Variants in KLHL29 observed in about 807,000 individuals in gnomAD.
The protein encoded by KLHL29 is kelch-like protein 29.
Under a neutral mutation model 80.4 loss-of-function variants are expected in KLHL29, and 21 were observed. That is an observed-to-expected ratio of 0.26 (90% CI 0.19 to 0.38). The LOEUF (loss-of-function observed/expected upper bound fraction) is 0.38. Ranked by LOEUF, KLHL29 falls within the 10% of genes least tolerant of loss-of-function variation. The probability of loss-of-function intolerance (pLI) is 1.00; values close to 1 mark genes in which losing one functional copy is unlikely to be tolerated. For missense variants in KLHL29, 867 were observed against 1,223.9 expected, an observed-to-expected ratio of 0.71 and a Z score of 4.35; for synonymous variants, 511 against 526.8, an observed-to-expected ratio of 0.97 and a Z score of 0.41.
Position 23,642,629 on chromosome 2 carries a change from G to A in KLHL29, c.719G>A (p.Gly240Asp). Reference protein sequence around the residue: ...PQPLAVSTLPGVGQVARPGPT... With the variant: ...PQPLAVSTLPDVGQVARPGPT... ...CCCCTGGCCGTGTCCACACTGCCCG[G>A]TGTGGGGCAGGTGGCCCGCCCAGGA... The change falls in exon 5 of 14, where the codon GGT becomes GAT. Residue 240 changes from glycine to aspartate, a missense_variant. Physicochemically the swap from Gly to Asp is moderately conservative, Grantham distance 94. Transcript: ENST00000486442. 6.5e-7 allele frequency: 1 copy of A among 1,549,646 alleles called. No individual in the cohort carries two copies.
At position 23,592,986 on chromosome 2, in the gene KLHL29, G is replaced by A. The variant is rs554871038; in HGVS notation, c.285+30505G>A. On this transcript the variant is annotated intron_variant, in intron 3 of 13. Transcript: ENST00000486442. ...CCACTGGTCTTCTCAGGGCTTCATT[G>A]TTCTCTGCTCGAGTGCTGTGGTTTG... Among the ~76,000 whole-genome samples, 5 of 152,268 alleles carry A rather than the reference G, an allele frequency of 3.3e-5. No individual in the cohort carries two copies. In the South Asian group the frequency reaches 1.0e-3, roughly 32 times the overall value.
At chr2:23,594,532 C>G (rs1188298336) in intron 3 of KLHL29, among the ~76,000 whole-genome samples, 1 of 152,224 alleles carries the variant, frequency 6.6e-6, no homozygotes, top group East Asian at 1.9e-4. Flanking sequence ...TCCTGCATTT[C>G]AATTCTCCAT....
chr2:23,612,467 G>A (rs1300130260), intron 3 of KLHL29, among the ~76,000 whole-genome samples: 1 of 152,212 alleles, frequency 6.6e-6, no homozygotes, highest in East Asian at 1.9e-4. Context: ...AAGCCTGGCT[G>A]GGTGTGGTGG....
chr2:23,484,151 G>A (rs958424014), intron 2 of KLHL29, among the ~76,000 whole-genome samples: 1 of 152,186 alleles, frequency 6.6e-6, no homozygotes, highest in Non-Finnish European at 1.5e-5. Flanking sequence ...ACAGGTCACA[G>A]AATGACCATC....
Position 23,703,298 on chromosome 2 carries a change from G to A in KLHL29, c.2218G>A (p.Glu740Lys). Residue 740 changes from glutamate to lysine, a missense_variant, in exon 12 of 14, where the codon GAG becomes AAG. Physicochemically the swap from Glu to Lys is moderately conservative, Grantham distance 56. This residue lies in a region of KLHL29 where 443 missense variants were observed against 767.0 expected (regional missense o/e 0.58). Coordinates refer to ENST00000486442, the MANE Select transcript of KLHL29 (RefSeq NM_052920.2). ...GKIYVFGGVN[E>K]AGRAAGVLQS... ...GATCTACGTGTTTGGTGGGGTGAAC[G>A]AGGCAGGCCGAGCTGCCGGCGTCCT... 3 of 1,548,618 alleles carry A rather than the reference G, an allele frequency of 1.9e-6. No homozygotes were observed. Among genetic ancestry groups the A allele is most frequent in the Non-Finnish European group, 2.6e-6 (3 of 1,145,692 alleles).
At chr2:23,591,124 C>G (rs1437725668) in intron 3 of KLHL29, among the ~76,000 whole-genome samples, 1 of 152,156 alleles carries the variant, frequency 6.6e-6, no homozygotes, top group Admixed American at 6.5e-5. Flanking sequence ...TCAGGGGACT[C>G]TGAGCAAAGA....
At chr2:23,567,781 G>T (rs1317229520) in intron 3 of KLHL29, among the ~76,000 whole-genome samples, 4 of 152,246 alleles carry the variant, frequency 2.6e-5, no homozygotes, top group Non-Finnish European at 4.4e-5. Context: ...AGTGGGCTCA[G>T]TTGGGAGAAT....
chr2:23,540,424 A>G (rs886856118), intron 2 of KLHL29, among the ~76,000 whole-genome samples: 1 of 152,244 alleles, frequency 6.6e-6, no homozygotes, highest in African/African-American at 2.4e-5. Context: ...ACCATTGCAG[A>G]AAATCGTACT....
chr2:23,518,101 C>A (rs762303397), intron 2 of KLHL29, among the ~76,000 whole-genome samples: 7 of 152,244 alleles, frequency 4.6e-5, no homozygotes, highest in Non-Finnish European at 1.5e-5. Flanking sequence ...ATTAGAGTAA[C>A]CCCCTGAATT....
At chr2:23,540,405 A>G (rs1328505509) in intron 2 of KLHL29, among the ~76,000 whole-genome samples, 3 of 152,246 alleles carry the variant, frequency 2.0e-5, no homozygotes, top group Admixed American at 2.0e-4. Flanking sequence ...AGATCATAGA[A>G]GCGTTTCCAC....
chr2:23,627,362 G>A (rs1669341805), intron 3 of KLHL29, among the ~76,000 whole-genome samples: 2 of 152,238 alleles, frequency 1.3e-5, no homozygotes, highest in Admixed American at 1.3e-4. Flanking sequence ...GACAGCCTAA[G>A]CAGGCACAAA....
intron 3 of KLHL29, among the ~76,000 whole-genome samples, chr2:23,624,513 T>G (rs2339849): frequency 0.35 from 53,650 of 152,080 alleles, 10,303 homozygotes; most frequent in East Asian, 0.63. Flanking sequence ...TCTATGAGCC[T>G]GGTTCAGCTC....
At chr2:23,507,114 G>T (rs540050596) in intron 2 of KLHL29, 1 of 452,230 alleles carries the variant, frequency 2.2e-6, no homozygotes, top group Admixed American at 2.4e-5. Context: ...CAACATCGCT[G>T]CCTGGGTGGA....
intron 1 of KLHL29, among the ~76,000 whole-genome samples, chr2:23,405,923 T>G (rs1666715713): frequency 6.6e-6 from 1 of 152,322 alleles, no homozygotes; most frequent in Non-Finnish European, 1.5e-5. Flanking sequence ...AGGATTATAG[T>G]GGGTGATATA....
chr2:23,630,607 C>T (rs531401156), intron 3 of KLHL29, among the ~76,000 whole-genome samples: 1 of 152,260 alleles, frequency 6.6e-6, no homozygotes, highest in East Asian at 1.9e-4. Flanking sequence ...CCTCAGTCTC[C>T]CCAAGTAGCT....
Position 23,457,524 on chromosome 2 carries a change from T to C in KLHL29, c.-153-18036T>C, listed in dbSNP as rs1199656960. ...TGGATCACCCCTCAACCCGTCACCT[T>C]GTGTTCCCCGAGGTGGGGGTGCCTC... On this transcript the variant is annotated intron_variant, in intron 1 of 13. Coordinates refer to ENST00000486442, the MANE Select transcript of KLHL29 (RefSeq NM_052920.2). This position sits in a 1 kb window ranked among gnomAD's most constrained non-coding sequence, Gnocchi z 4.3. Among the ~76,000 whole-genome samples, 4 of 152,170 alleles carry C rather than the reference T, an allele frequency of 2.6e-5. No individual in the cohort carries two copies. The highest frequency in any genetic ancestry group is 1.5e-5 in the Non-Finnish European group (1 of 68,024).
intron 3 of KLHL29, among the ~76,000 whole-genome samples, chr2:23,624,762 GCTA>G (rs1480990752): frequency 6.6e-6 from 1 of 152,166 alleles, no homozygotes; most frequent in African/African-American, 2.4e-5. Flanking sequence ...CTTATAAAAG[GCTA>G]CTTAATATTC....
chr2:23,395,510 G>T (rs1169373151), intron 1 of KLHL29, among the ~76,000 whole-genome samples: 1 of 152,192 alleles, frequency 6.6e-6, no homozygotes, highest in Non-Finnish European at 1.5e-5. Flanking sequence ...ACTTTGGGAG[G>T]CCGAGGTGGG....
intron 2 of KLHL29, among the ~76,000 whole-genome samples, chr2:23,509,164 C>A (rs1665696472): frequency 6.6e-6 from 1 of 152,180 alleles, no homozygotes; most frequent in South Asian, 2.1e-4. Flanking sequence ...GGGCTCAGGG[C>A]AGGAGCAGAT....
Sources: gnomAD v4.1 joint callset for allele counts (sites outside exome capture counted in the v4.1 genomes callset) on GRCh38, gnomAD v4.1.1 for gene constraint, gnomAD v4.1.1 regional missense constraint, Gnocchi (gnomAD v3.1) non-coding constraint, MANE v1.5 for transcripts, NCBI Gene and HGNC (gene_info 2026-07-23, HGNC 2026-07-21) for gene names.